The following CDH12 variants were observed in gnomAD, a reference collection of about 807,000 sequenced individuals.
CDH12 encodes the protein cadherin 12.
CDH12 carries 41 observed loss-of-function variants against 74.1 expected under a neutral mutation model. The ratio of observed to expected loss-of-function variants is 0.55; its 90% CI spans 0.43 to 0.72. The LOEUF (loss-of-function observed/expected upper bound fraction) is 0.72, where lower values mean the gene tolerates loss of function less well. CDH12 is among the 30% of genes least tolerant of loss of function. The probability of loss-of-function intolerance (pLI) is 0.00; values close to 1 mark genes in which losing one functional copy is unlikely to be tolerated. For missense variants in CDH12, 945 were observed against 977.2 expected (o/e 0.97, Z 0.44); for synonymous variants, 399 against 355.0 (o/e 1.12, Z -1.39).
chr5:22,605,655 A>T (rs563398453), intron 1 of CDH12, among the ~76,000 whole-genome samples: 1 of 152,308 alleles, frequency 6.6e-6, no homozygotes, highest in Non-Finnish European at 1.5e-5. Context: ...GGGCACATGG[A>T]GGGCACACCG....
At chr5:22,643,860 G>A (rs535866858) in intron 1 of CDH12, among the ~76,000 whole-genome samples, 1 of 145,024 alleles carries the variant, frequency 6.9e-6, no homozygotes, top group East Asian at 2.2e-4. Flanking sequence ...GTCACATTTG[G>A]TAATTCTCAT....
intron 12 of CDH12, among the ~76,000 whole-genome samples, chr5:21,764,351 G>T (rs903346065): frequency 1.6e-4 from 24 of 151,924 alleles, no homozygotes; most frequent in African/African-American, 5.6e-4. Flanking sequence ...TCCAGCCTGG[G>T]TGACAGAGCG....
chr5:22,431,015 A>G (rs1469415947), intron 2 of CDH12, among the ~76,000 whole-genome samples: 1 of 152,182 alleles, frequency 6.6e-6, no homozygotes, highest in Non-Finnish European at 1.5e-5. Flanking sequence ...TAAGGTTACT[A>G]TGCTTATATT....
chr5:22,719,047 A>T (rs1288077680), intron 1 of CDH12, among the ~76,000 whole-genome samples: 1 of 152,122 alleles, frequency 6.6e-6, no homozygotes, highest in African/African-American at 2.4e-5. Context: ...GGTTGTGAGG[A>T]GCCCCAAATT....
chr5:22,694,620 T>C (rs531824569), intron 1 of CDH12, among the ~76,000 whole-genome samples: 1 of 152,244 alleles, frequency 6.6e-6, no homozygotes, highest in Admixed American at 6.5e-5. Context: ...ATTTAGTTAA[T>C]TGAAGAGTTA....
At chr5:21,793,564 A>G (rs1746620504) in intron 10 of CDH12, among the ~76,000 whole-genome samples, 1 of 151,744 alleles carries the variant, frequency 6.6e-6, no homozygotes, top group Non-Finnish European at 1.5e-5. Context: ...CTGTTATTCC[A>G]AGTCACCACT....
At chr5:22,040,679 A>G (rs1739514945) in intron 5 of CDH12, among the ~76,000 whole-genome samples, 1 of 152,222 alleles carries the variant, frequency 6.6e-6, no homozygotes, top group South Asian at 2.1e-4. Flanking sequence ...AGATAAAAAC[A>G]TGCGTGTCAA....
chr5:22,690,157 T>G (rs1451824493), intron 1 of CDH12, among the ~76,000 whole-genome samples: 2 of 152,166 alleles, frequency 1.3e-5, no homozygotes, highest in Non-Finnish European at 2.9e-5. Flanking sequence ...CAAAGCACTA[T>G]TAATGGAAGT....
At chr5:22,249,830 C>A (rs769506773) in intron 3 of CDH12, among the ~76,000 whole-genome samples, 38 of 151,684 alleles carry the variant, frequency 2.5e-4, no homozygotes, top group Non-Finnish European at 4.1e-4. Context: ...TGTTGTATTG[C>A]ATATTTTAAT....
intron 1 of CDH12, chr5:22,580,081 GC>G (rs1740005467): frequency 4.7e-6 from 1 of 212,854 alleles, no homozygotes; most frequent in African/African-American, 2.3e-5. Context: ...AAACCATGTA[GC>G]TTCTCTGACA....
intron 1 of CDH12, among the ~76,000 whole-genome samples, chr5:22,575,051 T>A (rs983360313): frequency 4.6e-5 from 7 of 152,146 alleles, no homozygotes; most frequent in Admixed American, 4.6e-4. Context: ...TGTTCATTCA[T>A]AATGAGTGAA....
At chr5:21,880,655 CTT>C (rs1752283005) in intron 6 of CDH12, among the ~76,000 whole-genome samples, 1 of 125,634 alleles carries the variant, frequency 8.0e-6, no homozygotes, top group Non-Finnish European at 1.7e-5. Context: ...TTCTTTCTTT[CTT>C]TCTTTCTTTC....
intron 6 of CDH12, among the ~76,000 whole-genome samples, chr5:21,878,846 GGAGAGAGAGAGAAAGAAAGAAAGA>G (rs1561265992): frequency 7.6e-6 from 1 of 131,196 alleles, no homozygotes; most frequent in Non-Finnish European, 1.6e-5. Flanking sequence ...AGAAAGAGAG[GGAGAGAGAGAGAAAGAAAGAAAGA>G]GAGAGAAAGA....
chr5:21,889,540 C>G, intron 6 of CDH12: 13 of 962,052 alleles, frequency 1.4e-5, no homozygotes, highest in Non-Finnish European at 1.6e-5. Context: ...AAGCTAGACT[C>G]CTGAAGCTGT....
At chr5:22,737,991 C>T (rs1297016520) in intron 1 of CDH12, among the ~76,000 whole-genome samples, 1 of 151,906 alleles carries the variant, frequency 6.6e-6, no homozygotes, top group African/African-American at 2.4e-5. Context: ...TTATGATTAT[C>T]TGGGAAGAAG....
intron 2 of CDH12, among the ~76,000 whole-genome samples, chr5:22,483,851 T>C (rs1038110974): frequency 1.1e-4 from 16 of 142,630 alleles, no homozygotes; most frequent in Middle Eastern, 3.6e-3. Context: ...AGCCCAGGAA[T>C]TGGAGGTTGT....
chr5:22,189,630 T>C (rs1181761482), intron 4 of CDH12, among the ~76,000 whole-genome samples: 1 of 152,196 alleles, frequency 6.6e-6, no homozygotes, highest in Non-Finnish European at 1.5e-5. Context: ...GAGCCATAAA[T>C]GGTTCTAATA....
In CDH12 at chr5:22,022,701, GCTTT is replaced by G. The variant is rs577505360; in HGVS notation, c.232-47320_232-47317del. Among the ~76,000 whole-genome samples the G allele has an allele frequency of 3.7e-3, 567 of 152,062 alleles. 7 individuals carry two copies. Among genetic ancestry groups the G allele is most frequent in the African/African-American group, 0.013 (529 of 41,492 alleles). On this transcript the variant is annotated intron_variant, in intron 5 of 14. Coordinates refer to ENST00000382254, the MANE Select transcript of CDH12 (RefSeq NM_004061.5). ...TTTAAATATTAAAGCCTATATATCT[GCTTT>G]CTATTTAATAATTTTCTTGCTCACC... is the stretch of plus-strand genomic sequence containing the variant.
At chr5:21,872,166 C>A (rs1211698216) in intron 6 of CDH12, among the ~76,000 whole-genome samples, 1 of 152,174 alleles carries the variant, frequency 6.6e-6, no homozygotes, top group Non-Finnish European at 1.5e-5. Context: ...CCTTGCTCAG[C>A]GTGGGCCCTG....
Sources: gnomAD v4.1 joint callset for allele counts (sites outside exome capture counted in the v4.1 genomes callset) on GRCh38, gnomAD v4.1.1 for gene constraint, MANE v1.5 for transcripts, NCBI Gene and HGNC (gene_info 2026-07-23, HGNC 2026-07-21) for gene names.